The following THSD7B variants were observed in gnomAD, a reference collection of about 807,000 sequenced individuals.
The protein encoded by THSD7B is thrombospondin type-1 domain-containing protein 7B.
Under a neutral mutation model 213.6 loss-of-function variants are expected in THSD7B, and 138 were observed. The observed-to-expected ratio is 0.65, with a 90% CI of 0.56 to 0.74. The LOEUF is 0.74. Ranked by LOEUF, THSD7B falls within the 30% of genes least tolerant of loss-of-function variation. THSD7B has a pLI of 0.00. For synonymous variants in THSD7B, 742 were observed against 687.0 expected (o/e 1.08, Z -1.25); for missense variants, 1,931 against 1,991.5 (o/e 0.97, Z 0.58).
At chr2:137,340,180 C>A (rs2104905938) in intron 12 of THSD7B, among the ~76,000 whole-genome samples, 1 of 151,878 alleles carries the variant, frequency 6.6e-6, no homozygotes, top group Non-Finnish European at 1.5e-5. Flanking sequence ...ATCAAATAGA[C>A]ACAAATCTAA....
intron 2 of THSD7B, among the ~76,000 whole-genome samples, chr2:136,914,115 C>T (rs185058903): frequency 6.6e-6 from 1 of 152,294 alleles, no homozygotes; most frequent in African/African-American, 2.4e-5. Flanking sequence ...ATCAGCGTAA[C>T]CTGGATGTGA....
chr2:137,291,832 G>A (rs1315186984), intron 12 of THSD7B, among the ~76,000 whole-genome samples: 2 of 152,104 alleles, frequency 1.3e-5, no homozygotes, highest in African/African-American at 4.8e-5. Context: ...TAATTTCTCA[G>A]GTGCCACTCT....
chr2:137,564,008 T>C (rs1330943624), intron 16 of THSD7B, among the ~76,000 whole-genome samples: 6 of 152,156 alleles, frequency 3.9e-5, no homozygotes, highest in Admixed American at 1.3e-4. Flanking sequence ...AACGATGTCC[T>C]TACCAACTGA....
intron 27 of THSD7B, among the ~76,000 whole-genome samples, chr2:137,675,228 A>G (rs1683670059): frequency 6.6e-6 from 1 of 151,998 alleles, no homozygotes; most frequent in Non-Finnish European, 1.5e-5. Context: ...TTTTGGCACG[A>G]TGAAAATGTT....
chr2:137,412,198 T>C (rs1183496383), intron 14 of THSD7B, among the ~76,000 whole-genome samples: 1 of 152,044 alleles, frequency 6.6e-6, no homozygotes, highest in Non-Finnish European at 1.5e-5. Context: ...ATATGTTCCA[T>C]GCTGTTTTTT....
chr2:137,420,601 A>G (rs1392694293), intron 14 of THSD7B, among the ~76,000 whole-genome samples: 1 of 152,188 alleles, frequency 6.6e-6, no homozygotes, highest in East Asian at 1.9e-4. Flanking sequence ...TGAGAGATGG[A>G]CCATGAACAC....
At chr2:137,069,681 T>G (rs1573801592) in intron 3 of THSD7B, among the ~76,000 whole-genome samples, 1 of 151,974 alleles carries the variant, frequency 6.6e-6, no homozygotes, top group African/African-American at 2.4e-5. Flanking sequence ...GTTCCCTTGT[T>G]TTTTGTATCT....
At chr2:137,020,665 G>C (rs568019764) in intron 2 of THSD7B, among the ~76,000 whole-genome samples, 1 of 152,134 alleles carries the variant, frequency 6.6e-6, no homozygotes. Context: ...TAGCCTCCAG[G>C]CAGCTGGATT....
intron 4 of THSD7B, among the ~76,000 whole-genome samples, chr2:137,110,640 A>G (rs1199574518): frequency 2.6e-5 from 4 of 152,214 alleles, no homozygotes; most frequent in African/African-American, 9.6e-5. Context: ...GGGCCTTGAA[A>G]AGACATTCTT....
chr2:137,603,358 G>A (rs1682111146), intron 17 of THSD7B, among the ~76,000 whole-genome samples: 1 of 151,988 alleles, frequency 6.6e-6, no homozygotes, highest in Admixed American at 6.6e-5. Flanking sequence ...TTTCTTTTAA[G>A]TACACTTCTT....
intron 3 of THSD7B, among the ~76,000 whole-genome samples, chr2:137,078,060 C>T (rs1687667799): frequency 6.6e-6 from 1 of 152,152 alleles, no homozygotes; most frequent in Non-Finnish European, 1.5e-5. Flanking sequence ...CCAGTTTTCC[C>T]AGCACCATTT....
chr2:137,170,367 A>C (rs191067178), intron 6 of THSD7B, among the ~76,000 whole-genome samples: 7 of 152,314 alleles, frequency 4.6e-5, no homozygotes, highest in African/African-American at 1.7e-4. Flanking sequence ...CGTAACAAGA[A>C]TGTCAAAATC....
At chr2:137,088,760 A>C (rs1176027766) in intron 3 of THSD7B, among the ~76,000 whole-genome samples, 1 of 152,192 alleles carries the variant, frequency 6.6e-6, no homozygotes, top group African/African-American at 2.4e-5. Flanking sequence ...CAGATTCTAC[A>C]ATGAACTCAA....
intron 2 of THSD7B, among the ~76,000 whole-genome samples, chr2:136,972,862 A>G (rs1685425806): frequency 6.6e-6 from 1 of 152,038 alleles, no homozygotes; most frequent in Non-Finnish European, 1.5e-5. Context: ...GGGGGCAACT[A>G]CACAGACATG....
intron 5 of THSD7B, among the ~76,000 whole-genome samples, chr2:137,134,210 C>G (rs935356665): frequency 6.6e-6 from 1 of 152,160 alleles, no homozygotes; most frequent in East Asian, 1.9e-4. Flanking sequence ...AATGGTAGAG[C>G]TGGATTTTTG....
intron 3 of THSD7B, among the ~76,000 whole-genome samples, chr2:137,068,972 C>T (rs907474522): frequency 2.0e-5 from 3 of 152,002 alleles, no homozygotes; most frequent in Admixed American, 2.0e-4. Flanking sequence ...TCATTGATTG[C>T]TCTGACTTTT....
intron 12 of THSD7B, among the ~76,000 whole-genome samples, chr2:137,290,322 C>T (rs1259915819): frequency 6.6e-6 from 1 of 152,002 alleles, no homozygotes; most frequent in East Asian, 1.9e-4. Context: ...ATCTCCTGAC[C>T]TCGTGATCTG....
At chr2:137,509,745 A>G (rs1004632812) in intron 15 of THSD7B, among the ~76,000 whole-genome samples, 2 of 152,126 alleles carry the variant, frequency 1.3e-5, no homozygotes, top group Non-Finnish European at 2.9e-5. Context: ...TTATCCCCCA[A>G]ATTTTCCCTG....
intron 12 of THSD7B, among the ~76,000 whole-genome samples, chr2:137,276,586 C>G (rs1682879684): frequency 6.6e-6 from 1 of 152,026 alleles, no homozygotes; most frequent in South Asian, 2.1e-4. Flanking sequence ...TGCTTTTTAT[C>G]ATCAATGTCT....
Sources: gnomAD v4.1 joint callset for allele counts (sites outside exome capture counted in the v4.1 genomes callset) on GRCh38, gnomAD v4.1.1 for gene constraint, MANE v1.5 for transcripts, NCBI Gene and HGNC (gene_info 2026-07-23, HGNC 2026-07-21) for gene names.